The following SHTN1 variants were observed in gnomAD, a reference collection of about 807,000 sequenced individuals.
The protein encoded by SHTN1 is shootin 1, also known as shootin-1.
SHTN1 carries 42 observed loss-of-function variants against 83.1 expected under a neutral mutation model. The observed-to-expected ratio is 0.51, with a 90% CI of 0.39 to 0.65. The LOEUF (loss-of-function observed/expected upper bound fraction) is 0.65, where lower values mean the gene tolerates loss of function less well. Among genes scored for constraint, SHTN1 ranks in the 30% least tolerant of loss-of-function variants. SHTN1 has a pLI of 0.00. For synonymous variants in SHTN1, 224 were observed against 247.7 expected, an observed-to-expected ratio of 0.90 and a Z score of 0.90; for missense variants, 622 against 737.8, an observed-to-expected ratio of 0.84 and a Z score of 1.82.
At chr10:116,951,429 A>G (rs1180064927) in intron 6 of SHTN1, among the ~76,000 whole-genome samples, 2 of 152,190 alleles carry the variant, frequency 1.3e-5, no homozygotes, top group Non-Finnish European at 2.9e-5. Flanking sequence ...TGTCTCAAAC[A>G]AAACAAAACA....
At chr10:117,100,169 C>G (rs568180641) in intron 1 of SHTN1, among the ~76,000 whole-genome samples, 1 of 152,104 alleles carries the variant, frequency 6.6e-6, no homozygotes, top group African/African-American at 2.4e-5. Context: ...AACAGCGAAA[C>G]TCCGTCTCAA....
At chr10:117,064,829 T>G (rs572135962) in intron 1 of SHTN1, among the ~76,000 whole-genome samples, 1 of 152,200 alleles carries the variant, frequency 6.6e-6, no homozygotes, top group Non-Finnish European at 1.5e-5. Context: ...ATAATTCCGT[T>G]AGCCTCATTA....
chr10:117,063,189 C>T (rs1852926846), intron 1 of SHTN1, among the ~76,000 whole-genome samples: 1 of 152,218 alleles, frequency 6.6e-6, no homozygotes, highest in Admixed American at 6.5e-5. Context: ...ACGATAATAT[C>T]ATGGCTAGGA....
chr10:116,972,629 C>T (rs1192171672), intron 2 of SHTN1, among the ~76,000 whole-genome samples: 1 of 152,144 alleles, frequency 6.6e-6, no homozygotes, highest in African/African-American at 2.4e-5. Context: ...CCTTCCTCTA[C>T]CCTGCTCACG....
At chr10:117,041,656 G>A (rs964744295) in intron 2 of SHTN1, among the ~76,000 whole-genome samples, 3 of 152,152 alleles carry the variant, frequency 2.0e-5, no homozygotes, top group Non-Finnish European at 4.4e-5. Context: ...TTAGGTGAAC[G>A]TGTAACTTTC....
At chr10:117,005,308 G>A (rs1851978690), upstream of SHTN1, 2 of 1,397,680 alleles carry the variant, frequency 1.4e-6, no homozygotes, top group East Asian at 2.7e-5. Flanking sequence ...GGCGGGCCCA[G>A]CAGTCCCGTT....
intron 9 of SHTN1, among the ~76,000 whole-genome samples, chr10:116,933,478 C>T (rs1363081289): frequency 6.6e-6 from 1 of 152,108 alleles, no homozygotes; most frequent in East Asian, 1.9e-4. Context: ...TCATCCGTGT[C>T]CCTGCAAAGG....
At chr10:117,029,707 G>A (rs1453934546) in intron 2 of SHTN1, among the ~76,000 whole-genome samples, 2 of 152,104 alleles carry the variant, frequency 1.3e-5, no homozygotes, top group Non-Finnish European at 2.9e-5. Context: ...CCAGCCTTCT[G>A]AAGTGCTGGC....
At chr10:116,901,295 T>C (rs925684662) in intron 16 of SHTN1, 3 of 985,252 alleles carry the variant, frequency 3.0e-6, no homozygotes, top group African/African-American at 1.7e-5. Flanking sequence ...CTTTACATAG[T>C]ATGTTTTCAT....
intron 2 of SHTN1, 24 bp downstream of exon 2, chr10:116,979,232 G>A: frequency 6.2e-7 from 1 of 1,603,922 alleles, no homozygotes. Flanking sequence ...GTAAGAAAGG[G>A]GAAAAAAAAG....
chr10:116,952,344 G>A (rs1326555702), intron 5 of SHTN1, among the ~76,000 whole-genome samples: 2 of 152,144 alleles, frequency 1.3e-5, no homozygotes, highest in Non-Finnish European at 2.9e-5. Flanking sequence ...AAATTAAGGT[G>A]TAGTACTAAT....
At chr10:116,999,018 G>A (rs1851733041) in intron 1 of SHTN1, among the ~76,000 whole-genome samples, 1 of 152,100 alleles carries the variant, frequency 6.6e-6, no homozygotes, top group Non-Finnish European at 1.5e-5. Context: ...TTAGAGAGAT[G>A]GGGTCTCACT....
intron 16 of SHTN1, among the ~76,000 whole-genome samples, chr10:116,897,542 C>A (rs1235506770): frequency 1.3e-5 from 2 of 152,188 alleles, no homozygotes; most frequent in African/African-American, 4.8e-5. Flanking sequence ...CTGGCCCACT[C>A]AAAAACCCAG....
At chr10:117,000,066 A>G (rs1418149817) in intron 1 of SHTN1, among the ~76,000 whole-genome samples, 1 of 152,182 alleles carries the variant, frequency 6.6e-6, no homozygotes, top group Non-Finnish European at 1.5e-5. Flanking sequence ...TTCAGAGGAA[A>G]ATGCATTGTT....
At chr10:116,982,528 G>A (rs1045028312) in intron 1 of SHTN1, among the ~76,000 whole-genome samples, 1 of 152,184 alleles carries the variant, frequency 6.6e-6, no homozygotes, top group African/African-American at 2.4e-5. Context: ...TTTTGGCAAT[G>A]TTACGGGGTC....
intron 2 of SHTN1, among the ~76,000 whole-genome samples, chr10:117,018,981 C>A (rs1388027663): frequency 6.6e-6 from 1 of 152,022 alleles, no homozygotes; most frequent in African/African-American, 2.4e-5. Context: ...TAGTCTTTAT[C>A]CACAAGTGAC....
intron 1 of SHTN1, among the ~76,000 whole-genome samples, chr10:116,999,334 C>T (rs1431357406): frequency 6.6e-6 from 1 of 152,018 alleles, no homozygotes; most frequent in Non-Finnish European, 1.5e-5. Context: ...GGAAAGAAAA[C>T]AAAAGGTTAA....
Position 117,053,019 on chromosome 10 carries a change from C to CAA in SHTN1, c.-188-4511_-188-4510dup, listed in dbSNP as rs57069034. ...TGGGCAACAGAGCAAGACTGTGTCT[C>CAA]AAAAAAAAAAAGAATTAAGAATTAA... On this transcript the variant is annotated intron_variant, in intron 1 of 17. Transcript: ENST00000392901. Among the ~76,000 whole-genome samples the CAA allele has an allele frequency of 4.4e-4, 5 of 11,486 alleles. 2 individuals carry two copies. Among genetic ancestry groups the CAA allele is most frequent in the African/African-American group, 6.0e-4 (5 of 8,368 alleles). 7.5% of individuals were successfully genotyped at this position (11,486 alleles called of 152,430 possible).
At chr10:116,972,202 G>T (rs1850642173) in intron 2 of SHTN1, among the ~76,000 whole-genome samples, 1 of 152,148 alleles carries the variant, frequency 6.6e-6, no homozygotes, top group South Asian at 2.1e-4. Flanking sequence ...CTAATCCTAT[G>T]GTTATCATCA....
Sources: gnomAD v4.1 joint callset for allele counts (sites outside exome capture counted in the v4.1 genomes callset) on GRCh38, gnomAD v4.1.1 for gene constraint, MANE v1.5 for transcripts, NCBI Gene and HGNC (gene_info 2026-07-23, HGNC 2026-07-21) for gene names.